The following TMTC2 variants were observed in gnomAD, a reference collection of about 807,000 sequenced individuals.
TMTC2 encodes the protein transmembrane O-mannosyltransferase targeting cadherins 2.
TMTC2 carries 43 observed loss-of-function variants against 82.4 expected under a neutral mutation model. That is an observed-to-expected ratio of 0.52 (90% CI 0.41 to 0.67). The LOEUF is 0.67. Among genes scored for constraint, TMTC2 ranks in the 30% least tolerant of loss-of-function variants. The probability of loss-of-function intolerance (pLI) is 0.00; values close to 1 mark genes in which losing one functional copy is unlikely to be tolerated. For synonymous variants in TMTC2, 408 were observed against 381.9 expected, an observed-to-expected ratio of 1.07 and a Z score of -0.80; for missense variants, 919 against 1,012.4, an observed-to-expected ratio of 0.91 and a Z score of 1.25.
At chr12:82,747,416 A>AT (rs1284936448) in intron 1 of TMTC2, among the ~76,000 whole-genome samples, 3 of 152,260 alleles carry the variant, frequency 2.0e-5, no homozygotes, top group South Asian at 4.1e-4. Flanking sequence ...AAGGTTCAGC[A>AT]TTTTTTTAAC....
intron 9 of TMTC2, among the ~76,000 whole-genome samples, chr12:83,037,386 T>C (rs912281501): frequency 7.3e-4 from 111 of 152,320 alleles, no homozygotes; most frequent in African/African-American, 2.6e-3. Context: ...GCCAGAGGAA[T>C]TTTTTAATTA....
intron 11 of TMTC2, among the ~76,000 whole-genome samples, chr12:83,103,201 CTGCT>C (rs1884281679): frequency 6.6e-6 from 1 of 152,184 alleles, no homozygotes; most frequent in Non-Finnish European, 1.5e-5. Context: ...AATAGCAGCC[CTGCT>C]TGCTGGCTAA....
intron 9 of TMTC2, among the ~76,000 whole-genome samples, chr12:83,049,795 C>A (rs187024282): frequency 6.5e-4 from 99 of 152,284 alleles, no homozygotes; most frequent in African/African-American, 2.1e-3. Context: ...TATAAGCCTT[C>A]CCTTTTCTCT....
At chr12:82,967,560 T>C (rs920305384) in intron 7 of TMTC2, among the ~76,000 whole-genome samples, 2 of 152,112 alleles carry the variant, frequency 1.3e-5, no homozygotes, top group Non-Finnish European at 1.5e-5. Flanking sequence ...TGAGAAATTA[T>C]AATAAAATAT....
At chr12:82,926,499 G>A (rs1365068240) in intron 3 of TMTC2, among the ~76,000 whole-genome samples, 5 of 152,242 alleles carry the variant, frequency 3.3e-5, no homozygotes, top group Admixed American at 6.5e-5. Flanking sequence ...GGGTGAAGCA[G>A]TAAGTACTGA....
chr12:82,687,285 C>G lies in TMTC2; in HGVS notation c.-302C>G. 1 of 477,212 alleles carries G rather than the reference C, an allele frequency of 2.1e-6. No homozygotes were observed. The highest frequency in any genetic ancestry group is 3.8e-6 in the Non-Finnish European group (1 of 260,102). The allele number at this position is 477,212 out of a possible 1,614,324, so 29.6% of individuals were successfully genotyped here. The stretch of plus-strand genomic sequence containing the variant: ...TGGGGATCGCGACCCGCGCGAAAGA[C>G]CAGCCCTGCGCTTCCGCCGGGGGAC... On this transcript the variant is annotated 5_prime_UTR_variant, in exon 1 of 12. Transcript: ENST00000321196.
intron 11 of TMTC2, among the ~76,000 whole-genome samples, chr12:83,127,815 T>A (rs914625547): frequency 1.3e-5 from 2 of 152,010 alleles, no homozygotes; most frequent in African/African-American, 4.8e-5. Flanking sequence ...ACAATATACA[T>A]CCATTATTTT....
At chr12:82,774,873 C>T (rs978058504) in intron 1 of TMTC2, among the ~76,000 whole-genome samples, 10 of 151,890 alleles carry the variant, frequency 6.6e-5, no homozygotes, top group African/African-American at 9.7e-5. Flanking sequence ...TTTGCTCACA[C>T]GGCCACAACC....
chr12:82,818,812 C>A (rs1216547183), intron 1 of TMTC2, among the ~76,000 whole-genome samples: 1 of 152,098 alleles, frequency 6.6e-6, no homozygotes, highest in African/African-American at 2.4e-5. Context: ...TTATGGACTA[C>A]AAGCTAATTA....
At chr12:82,698,566 T>G (rs907351530) in intron 1 of TMTC2, among the ~76,000 whole-genome samples, 1 of 152,154 alleles carries the variant, frequency 6.6e-6, no homozygotes, top group Non-Finnish European at 1.5e-5. Flanking sequence ...GGAAGATTTA[T>G]TCCAAAACCC....
intron 2 of TMTC2, among the ~76,000 whole-genome samples, chr12:82,881,379 A>T (rs1430136843): frequency 4.6e-5 from 7 of 152,196 alleles, no homozygotes; most frequent in Admixed American, 1.3e-4. Context: ...TCATGATTTT[A>T]AAAGTCAGTA....
intron 1 of TMTC2, among the ~76,000 whole-genome samples, chr12:82,850,817 G>T (rs1271786196): frequency 6.6e-6 from 1 of 152,172 alleles, no homozygotes; most frequent in Non-Finnish European, 1.5e-5. Flanking sequence ...TGTAATCCCA[G>T]CACTTAGGGA....
rs28374580 is a variant in TMTC2 at position 83,006,944 on chromosome 12, C to T, written c.2070+20898C>T. ...CACAGGGCAGGGCCTGTCATGGGGTCGGGGGCTGGGGGAGGGATAGCATTA... is the reference window on the plus strand; with the variant it reads ...CACAGGGCAGGGCCTGTCATGGGGTTGGGGGCTGGGGGAGGGATAGCATTA... On this transcript the variant is annotated intron_variant, in intron 8 of 11. Coordinates refer to ENST00000321196, the MANE Select transcript of TMTC2 (RefSeq NM_152588.3). Among the ~76,000 whole-genome samples the T allele has an allele frequency of 1.4e-3, 204 of 148,192 alleles. 1 individual carries two copies. In the Middle Eastern group the frequency reaches 0.017, roughly 13 times the overall value.
intron 1 of TMTC2, among the ~76,000 whole-genome samples, chr12:82,848,356 AT>A (rs1222818174): frequency 6.6e-6 from 1 of 152,126 alleles, no homozygotes; most frequent in African/African-American, 2.4e-5. Flanking sequence ...GTATGCAGAT[AT>A]GCTTTCCTCC....
At chr12:83,115,474 T>A (rs1884722861) in intron 11 of TMTC2, among the ~76,000 whole-genome samples, 1 of 152,192 alleles carries the variant, frequency 6.6e-6, no homozygotes, top group Admixed American at 6.5e-5. Flanking sequence ...CTTTTTGTAT[T>A]CTGTATGTAC....
intron 9 of TMTC2, among the ~76,000 whole-genome samples, chr12:83,031,746 C>T (rs576180861): frequency 2.6e-5 from 4 of 151,974 alleles, no homozygotes; most frequent in African/African-American, 7.3e-5. Context: ...CAGTTTCCAG[C>T]TAATAAAAAT....
intron 1 of TMTC2, among the ~76,000 whole-genome samples, chr12:82,821,430 C>T (rs1377780595): frequency 1.3e-5 from 2 of 152,194 alleles, no homozygotes; most frequent in East Asian, 3.9e-4. Flanking sequence ...TAACAGCTGT[C>T]TTTAAAATAC....
chr12:82,810,696 T>A (rs1021543512), intron 1 of TMTC2, among the ~76,000 whole-genome samples: 1 of 152,022 alleles, frequency 6.6e-6, no homozygotes, highest in Non-Finnish European at 1.5e-5. Flanking sequence ...ATCCCCATAA[T>A]CCCCACGTGT....
chr12:82,928,392 A>G (rs1033409649), intron 3 of TMTC2, among the ~76,000 whole-genome samples: 7 of 152,332 alleles, frequency 4.6e-5, no homozygotes, highest in Non-Finnish European at 8.8e-5. Flanking sequence ...TTTGTGGTAG[A>G]TATAGAATAC....
Sources: gnomAD v4.1 joint callset for allele counts (sites outside exome capture counted in the v4.1 genomes callset) on GRCh38, gnomAD v4.1.1 for gene constraint, MANE v1.5 for transcripts, NCBI Gene and HGNC (gene_info 2026-07-23, HGNC 2026-07-21) for gene names.